Variants in SHC4 observed in about 807,000 individuals in gnomAD.
SHC4 encodes SHC adaptor protein 4, also known as SHC-transforming protein 4.
In SHC4, 41 loss-of-function variants were observed where a neutral mutation model predicts 69.4. The ratio of observed to expected loss-of-function variants is 0.59; its 90% CI spans 0.46 to 0.77. The LOEUF (loss-of-function observed/expected upper bound fraction) is 0.77. SHC4 is among the 30% of genes least tolerant of loss of function. SHC4 has a pLI of 0.00. For missense variants in SHC4, 777 were observed against 783.8 expected (o/e 0.99, Z 0.10); for synonymous variants, 318 against 299.3 (o/e 1.06, Z -0.64).
intron 6 of SHC4, among the ~76,000 whole-genome samples, chr15:48,863,971 A>T (rs1350489840): frequency 6.6e-6 from 1 of 152,216 alleles, no homozygotes; most frequent in Non-Finnish European, 1.5e-5. Context: ...TGCTGTGAGG[A>T]TGAAATGAGA....
At chr15:48,951,347 A>G (rs1901361781) in intron 1 of SHC4, among the ~76,000 whole-genome samples, 2 of 151,384 alleles carry the variant, frequency 1.3e-5, no homozygotes, top group Admixed American at 6.6e-5. Flanking sequence ...CTCTCTTCCC[A>G]GTGCCACTGC....
intron 10 of SHC4, among the ~76,000 whole-genome samples, chr15:48,841,912 C>G (rs146851573): frequency 1.3e-5 from 2 of 152,286 alleles, no homozygotes; most frequent in Non-Finnish European, 2.9e-5. Context: ...CTGCTGAGAT[C>G]CAGGCTCAAC....
At chr15:48,901,365 T>C (rs1471515659) in intron 2 of SHC4, among the ~76,000 whole-genome samples, 1 of 152,210 alleles carries the variant, frequency 6.6e-6, no homozygotes, top group Non-Finnish European at 1.5e-5. Flanking sequence ...TTGAACTTTG[T>C]CTTGTTCGGT....
At chr15:48,839,778 C>G (rs1595727694) in intron 10 of SHC4, among the ~76,000 whole-genome samples, 1 of 152,206 alleles carries the variant, frequency 6.6e-6, no homozygotes, top group East Asian at 1.9e-4. Context: ...TAAGTACTTG[C>G]AATGTCTTCC....
chr15:48,935,612 G>T (rs145638793), intron 1 of SHC4, among the ~76,000 whole-genome samples: 4 of 152,292 alleles, frequency 2.6e-5, no homozygotes, highest in African/African-American at 7.2e-5. Context: ...CCCTCCTTGT[G>T]CCAGGTTTGA....
intron 8 of SHC4, among the ~76,000 whole-genome samples, chr15:48,855,537 A>G (rs943436850): frequency 9.2e-5 from 14 of 152,152 alleles, no homozygotes; most frequent in African/African-American, 3.4e-4. Context: ...CAATAGAGAA[A>G]GAGTGAAGAT....
intron 1 of SHC4, among the ~76,000 whole-genome samples, chr15:48,961,254 C>T (rs767496950): frequency 6.6e-6 from 1 of 152,226 alleles, no homozygotes; most frequent in Non-Finnish European, 1.5e-5. Flanking sequence ...TCATGCCCTA[C>T]AAACCTAGGA....
intron 5 of SHC4, among the ~76,000 whole-genome samples, chr15:48,870,456 A>T (rs1380448974): frequency 1.3e-5 from 2 of 152,244 alleles, no homozygotes; most frequent in Non-Finnish European, 2.9e-5. Flanking sequence ...ACTTTTAAAA[A>T]TGGCAGCATC....
intron 9 of SHC4, among the ~76,000 whole-genome samples, chr15:48,848,001 T>TAAAAAAAAAAAAAAAAAAAAAAA (rs571529935): frequency 1.0e-5 from 1 of 99,844 alleles, no homozygotes; most frequent in Non-Finnish European, 2.1e-5. Context: ...AAACTCCGTC[T>TAAAAAAAAAAAAAAAAAAAAAAA]AAAAAAAAAA....
At chr15:48,931,194 C>T (rs1304129299) in intron 1 of SHC4, among the ~76,000 whole-genome samples, 3 of 152,154 alleles carry the variant, frequency 2.0e-5, no homozygotes, top group Admixed American at 1.3e-4. Flanking sequence ...TCTCCCTATA[C>T]CAGTGATTCT....
Position 48,824,696 on chromosome 15 carries a change from T to G in SHC4, c.*1275A>C, listed in dbSNP as rs1027242391. 6.6e-6 allele frequency: 1 copy of G among 152,234 alleles called. No individual in the cohort carries two copies. Among genetic ancestry groups the G allele is most frequent in the African/African-American group, 2.4e-5 (1 of 41,450 alleles). The allele number at this position is 152,234 out of a possible 1,614,324, so 9.4% of individuals were successfully genotyped here. ...ACCTCTAACAAATGAAAAACTTGCT[T>G]TTTAGAGACTCATACTATAAGTTAG... On this transcript the variant is annotated 3_prime_UTR_variant, in exon 12 of 12. Transcript: ENST00000332408.
intron 2 of SHC4, among the ~76,000 whole-genome samples, chr15:48,917,638 G>A (rs951412934): frequency 6.6e-6 from 1 of 152,164 alleles, no homozygotes; most frequent in African/African-American, 2.4e-5. Flanking sequence ...AGAGTTAGTG[G>A]AGGAACAACA....
intron 3 of SHC4, 140 bp from the exon 4 acceptor site, chr15:48,884,507 G>T: frequency 1.4e-6 from 1 of 710,508 alleles, no homozygotes. Flanking sequence ...CAAATGAAAG[G>T]GAATGGTTTT....
At chr15:48,835,120 G>A in intron 10 of SHC4, 98 bp from the exon 11 acceptor site, 1 of 1,412,386 alleles carries the variant, frequency 7.1e-7, no homozygotes, top group Admixed American at 2.5e-5. Flanking sequence ...AGGTCCTACT[G>A]TGTGCCAGCC....
At chr15:48,913,665 C>T (rs917697818) in intron 2 of SHC4, among the ~76,000 whole-genome samples, 8 of 152,176 alleles carry the variant, frequency 5.3e-5, no homozygotes, top group Non-Finnish European at 7.3e-5. Flanking sequence ...TAGAGAATTC[C>T]TTCTCCCTGT....
intron 2 of SHC4, among the ~76,000 whole-genome samples, chr15:48,908,536 C>G (rs192391074): frequency 6.6e-6 from 1 of 152,132 alleles, no homozygotes; most frequent in Non-Finnish European, 1.5e-5. Flanking sequence ...TTTTGCCATG[C>G]GAAAGCTCTT....
At chr15:48,855,542 G>A (rs1899296666) in intron 8 of SHC4, among the ~76,000 whole-genome samples, 1 of 152,126 alleles carries the variant, frequency 6.6e-6, no homozygotes, top group South Asian at 2.1e-4. Context: ...GAGAAAGAGT[G>A]AAGATTGAGA....
chr15:48,852,977 T>A (rs973303045), intron 8 of SHC4, among the ~76,000 whole-genome samples: 1 of 149,922 alleles, frequency 6.7e-6, no homozygotes, highest in Non-Finnish European at 1.5e-5. Flanking sequence ...AATTTAGAGG[T>A]GGAAGTCTTA....
At chr15:48,947,075 C>T (rs986616745) in intron 1 of SHC4, 1 of 152,150 alleles carries the variant, frequency 6.6e-6, no homozygotes, top group Non-Finnish European at 1.5e-5. Context: ...AAGTTTTAGT[C>T]TTTTATTTCA....
Sources: allele counts gnomAD v4.1 joint callset (sites outside exome capture counted in the v4.1 genomes callset), GRCh38; gene constraint gnomAD v4.1.1; transcripts MANE v1.5; gene names NCBI Gene and HGNC (gene_info 2026-07-23, HGNC 2026-07-21).